The following FARP2 variants were observed in gnomAD, a reference collection of about 807,000 sequenced individuals.
FARP2 encodes the protein FERM, ARH/RhoGEF and pleckstrin domain protein 2.
Under a neutral mutation model 130.5 loss-of-function variants are expected in FARP2, and 111 were observed. That is an observed-to-expected ratio of 0.85 (90% CI 0.73 to 1.00). The LOEUF (loss-of-function observed/expected upper bound fraction) is 1.00. Among genes scored for constraint, FARP2 ranks in the 50% least tolerant of loss-of-function variants. The probability of loss-of-function intolerance (pLI) is 0.00; values close to 1 mark genes in which losing one functional copy is unlikely to be tolerated. For synonymous variants in FARP2, 504 were observed against 516.9 expected, an observed-to-expected ratio of 0.98 and a Z score of 0.34; for missense variants, 1,385 against 1,346.3, an observed-to-expected ratio of 1.03 and a Z score of -0.45.
chr2:241,437,524 G>T (rs1192541231), intron 12 of FARP2, among the ~76,000 whole-genome samples: 75 of 152,132 alleles, frequency 4.9e-4, no homozygotes. Flanking sequence ...GGAGTGCAGT[G>T]GCATGATCTA....
chr2:241,402,100 AT>A (rs2062184689), intron 2 of FARP2, among the ~76,000 whole-genome samples: 1 of 152,152 alleles, frequency 6.6e-6, no homozygotes, highest in Non-Finnish European at 1.5e-5. Flanking sequence ...TATTTTACCA[AT>A]TCTTTACTGA....
chr2:241,492,182 C>T (rs1480446919), intron 24 of FARP2, among the ~76,000 whole-genome samples: 1 of 152,170 alleles, frequency 6.6e-6, no homozygotes, highest in African/African-American at 2.4e-5. Context: ...GAGCTCTTGT[C>T]TTTTTTGCTG....
At chr2:241,411,239 C>A in intron 6 of FARP2, 109 bp downstream of exon 6, 1 of 730,426 alleles carries the variant, frequency 1.4e-6, no homozygotes, top group South Asian at 1.6e-5. Flanking sequence ...GTGAGCCTGA[C>A]CATAGAATGA....
intron 11 of FARP2, among the ~76,000 whole-genome samples, chr2:241,435,602 C>T (rs899154188): frequency 2.0e-5 from 3 of 150,326 alleles, no homozygotes; most frequent in African/African-American, 4.9e-5. Flanking sequence ...AGCTCCGCCT[C>T]CCGGGTTCAC....
At chr2:241,474,072 C>A (rs1203444778) in intron 18 of FARP2, among the ~76,000 whole-genome samples, 1 of 151,696 alleles carries the variant, frequency 6.6e-6, no homozygotes, top group Non-Finnish European at 1.5e-5. Flanking sequence ...TTTGGGAGGC[C>A]GAGGCTGGCA....
At chr2:241,413,165 A>G in intron 6 of FARP2, 142 bp from the exon 7 acceptor site, 1 of 568,812 alleles carries the variant, frequency 1.8e-6, no homozygotes, top group Non-Finnish European at 3.1e-6. Flanking sequence ...GAAAAATTAA[A>G]TAAAAAATCT....
intron 2 of FARP2, among the ~76,000 whole-genome samples, chr2:241,398,930 C>T (rs1460966172): frequency 6.6e-6 from 1 of 152,062 alleles, no homozygotes; most frequent in Non-Finnish European, 1.5e-5. Flanking sequence ...GTTTATACCC[C>T]GGACTGGAAT....
chr2:241,481,136 A>G (rs1283684295), intron 19 of FARP2, among the ~76,000 whole-genome samples: 1 of 151,850 alleles, frequency 6.6e-6, no homozygotes, highest in Non-Finnish European at 1.5e-5. Flanking sequence ...GGCTGAGGCA[A>G]GTGGATCACT....
At chr2:241,422,363 A>G (rs1306903232) in intron 8 of FARP2, among the ~76,000 whole-genome samples, 1 of 151,970 alleles carries the variant, frequency 6.6e-6, no homozygotes, top group Non-Finnish European at 1.5e-5. Flanking sequence ...AGATCGTGCC[A>G]CTGCACTCCA....
Position 241,491,584 on chromosome 2 carries a change from G to C in FARP2, c.2692G>C (p.Glu898Gln). ...DDARGVRSSLEGHGQHRANTT... is the reference protein window; with the variant it reads ...DDARGVRSSLQGHGQHRANTT... The stretch of plus-strand genomic sequence containing the variant: ...TGCTCGGGGTGTCCGCAGCTCCCTG[G>C]AGGGGCATGGCCAGCACCGGGCCAA... The change falls in exon 24 of 27, where the codon GAG becomes CAG. Residue 898 changes from glutamate to glutamine, a missense_variant. Coordinates refer to ENST00000264042, the MANE Select transcript of FARP2 (RefSeq NM_014808.4). The C allele has an allele frequency of 1.2e-6, 2 of 1,613,874 alleles. No individual in the cohort carries two copies. The highest frequency in any genetic ancestry group is 4.5e-5 in the East Asian group (2 of 44,884).
At chr2:241,375,321 A>G (rs775105816) in intron 2 of FARP2, among the ~76,000 whole-genome samples, 1 of 152,080 alleles carries the variant, frequency 6.6e-6, no homozygotes, top group East Asian at 1.9e-4. Context: ...CACATTTACC[A>G]TTGTCTAGGC....
intron 7 of FARP2, 103 bp from the exon 8 acceptor site, chr2:241,417,859 C>A: frequency 7.6e-7 from 1 of 1,309,740 alleles, no homozygotes; most frequent in Non-Finnish European, 1.1e-6. Context: ...TCTAAACACA[C>A]AAAGCCTTCA....
intron 2 of FARP2, among the ~76,000 whole-genome samples, chr2:241,377,681 T>C (rs2061570580): frequency 1.3e-5 from 2 of 152,220 alleles, no homozygotes; most frequent in Non-Finnish European, 2.9e-5. Flanking sequence ...TTACTTATAA[T>C]ACCTCATACA....
chr2:241,414,862 C>T (rs766721564), intron 7 of FARP2, among the ~76,000 whole-genome samples: 1 of 152,104 alleles, frequency 6.6e-6, no homozygotes, highest in Non-Finnish European at 1.5e-5. Flanking sequence ...GCATTCCAGG[C>T]AAAGCACCAG....
At chr2:241,390,886 A>C (rs1375327142) in intron 2 of FARP2, among the ~76,000 whole-genome samples, 4 of 152,040 alleles carry the variant, frequency 2.6e-5, no homozygotes, top group African/African-American at 9.7e-5. Context: ...TATTTTTGCA[A>C]ATGAGGTTCA....
intron 8 of FARP2, among the ~76,000 whole-genome samples, chr2:241,420,055 G>C (rs1022547288): frequency 1.3e-5 from 2 of 152,198 alleles, no homozygotes; most frequent in African/African-American, 4.8e-5. Context: ...GGAGGCTGAG[G>C]TGGGAGAATC....
intron 12 of FARP2, among the ~76,000 whole-genome samples, chr2:241,436,760 G>A (rs1478286815): frequency 1.3e-5 from 2 of 152,194 alleles, no homozygotes; most frequent in Non-Finnish European, 2.9e-5. Context: ...CAGGGCAGGA[G>A]GGTTGCTTCA....
intron 18 of FARP2, among the ~76,000 whole-genome samples, chr2:241,469,650 T>C (rs2064258323): frequency 1.3e-5 from 2 of 152,280 alleles, no homozygotes; most frequent in Non-Finnish European, 1.5e-5. Context: ...AACCACACCA[T>C]GTTTAAAATG....
At chr2:241,457,038 T>C in intron 14 of FARP2, 116 bp downstream of exon 14, 3 of 920,450 alleles carry the variant, frequency 3.3e-6, no homozygotes, top group Non-Finnish European at 4.7e-6. Flanking sequence ...GGCTCTGCAC[T>C]CACAGCCGCC....
Sources: allele counts gnomAD v4.1 joint callset (sites outside exome capture counted in the v4.1 genomes callset), GRCh38; gene constraint gnomAD v4.1.1; transcripts MANE v1.5; gene names NCBI Gene and HGNC (gene_info 2026-07-23, HGNC 2026-07-21).